The following APPL2 variants were observed in gnomAD, a reference collection of about 807,000 sequenced individuals.
APPL2 encodes the protein DCC-interacting protein 13-beta.
Under a neutral mutation model 92.7 loss-of-function variants are expected in APPL2, and 84 were observed. The ratio of observed to expected loss-of-function variants is 0.91; its 90% CI spans 0.76 to 1.09. The LOEUF is 1.09. APPL2 is among the 50% of genes least tolerant of loss of function. APPL2 has a pLI of 0.00. For synonymous variants in APPL2, 291 were observed against 291.0 expected (o/e 1.00, Z 0.00); for missense variants, 736 against 824.5 (o/e 0.89, Z 1.31).
intron 17 of APPL2, among the ~76,000 whole-genome samples, chr12:105,177,822 T>A (rs979648709): frequency 2.6e-5 from 4 of 152,226 alleles, no homozygotes; most frequent in African/African-American, 9.6e-5. Context: ...GAGAAGAGTC[T>A]TGCTGTCACA....
intron 4 of APPL2, among the ~76,000 whole-genome samples, chr12:105,213,944 T>C (rs1889429086): frequency 6.6e-6 from 1 of 152,176 alleles, no homozygotes; most frequent in African/African-American, 2.4e-5. Flanking sequence ...CTCAGCACTT[T>C]GGGAGGCTGA....
Position 105,190,065 on chromosome 12 carries a change from G to C in APPL2, c.1332C>G (p.Ile444Met). The C allele has an allele frequency of 6.2e-7, 1 of 1,614,166 alleles. No homozygotes were observed. Among genetic ancestry groups the C allele is most frequent in the Non-Finnish European group, 8.5e-7 (1 of 1,180,038 alleles). Residue 444 changes from isoleucine (I) to methionine (M), a missense_variant, in exon 15 of 21, where the codon ATC becomes ATG. Coordinates refer to ENST00000258530, the MANE Select transcript of APPL2 (RefSeq NM_018171.5). ...CGAATTGAATCGGCGTTCCAGGCGC[G>C]ATCAGCTCCTCTGCTTCAGGTAGAC... ...TASLPEAEEL[I>M]APGTPIQFDI...
rs77466534 is a variant in APPL2 at position 105,211,527 on chromosome 12, A to G, written c.286-210T>C. ...ATGCAAGGTTCTAACTGACCAGGGC[A>G]CCAATGAAGCTTGCTAACAGAGTGT... On this transcript the variant is annotated intron_variant, in intron 4 of 20. Coordinates refer to ENST00000258530, the MANE Select transcript of APPL2 (RefSeq NM_018171.5). Among the ~76,000 whole-genome samples, 1,210 of 152,310 alleles carry G rather than the reference A, an allele frequency of 7.9e-3. 21 individuals are homozygous for G. Among genetic ancestry groups the G allele is most frequent in the African/African-American group, 0.027 (1,115 of 41,560 alleles).
At position 105,207,302 on chromosome 12, in the gene APPL2, A is replaced by G. The variant is rs1050137763; in HGVS notation, c.475-95T>C. ...TCAAAATGTGTGTTTATGCATTATA[A>G]CCATTTTTGTGACAAATATAACAAA... On this transcript the variant is annotated intron_variant, in intron 7 of 20. Transcript: ENST00000258530. 3.0e-5 allele frequency: 37 copies of G among 1,250,120 alleles called. No homozygotes were observed. In the African/African-American group the frequency reaches 5.0e-4, roughly 17 times the overall value. 77.4% of individuals were successfully genotyped at this position (1,250,120 alleles called of 1,614,324 possible).
intron 2 of APPL2, among the ~76,000 whole-genome samples, chr12:105,227,641 C>G (rs1890620899): frequency 6.6e-6 from 1 of 152,126 alleles, no homozygotes; most frequent in African/African-American, 2.4e-5. Context: ...TCCTAAATAC[C>G]TCTCAAGTAC....
chr12:105,189,113 G>C (rs185897932), intron 16 of APPL2, among the ~76,000 whole-genome samples: 1 of 152,082 alleles, frequency 6.6e-6, no homozygotes, highest in Non-Finnish European at 1.5e-5. Context: ...CCGCCTCCCA[G>C]GTTCAAGTGA....
intron 2 of APPL2, among the ~76,000 whole-genome samples, chr12:105,227,084 G>A (rs1890566181): frequency 6.6e-6 from 1 of 151,270 alleles, no homozygotes; most frequent in African/African-American, 2.4e-5. Context: ...TCATGCCACT[G>A]TACTCCATCC....
At chr12:105,204,594 G>T (rs988183542) in intron 8 of APPL2, among the ~76,000 whole-genome samples, 3 of 152,180 alleles carry the variant, frequency 2.0e-5, no homozygotes, top group African/African-American at 7.2e-5. Context: ...CACTGGAAAT[G>T]CCATTTGGAA....
intron 2 of APPL2, among the ~76,000 whole-genome samples, chr12:105,220,107 CTGA>C (rs1441141553): frequency 6.6e-6 from 1 of 152,204 alleles, no homozygotes; most frequent in Non-Finnish European, 1.5e-5. Context: ...GGATACACGG[CTGA>C]TGAGTGGCAG....
At chr12:105,199,701 A>C (rs908336378) in intron 9 of APPL2, among the ~76,000 whole-genome samples, 170 bp from the exon 10 acceptor site, 1 of 152,164 alleles carries the variant, frequency 6.6e-6, no homozygotes, top group East Asian at 1.9e-4. Flanking sequence ...AAAACTATGA[A>C]TCACAGGGAC....
In APPL2 at chr12:105,236,057, G is replaced by A; in HGVS notation, c.-45C>T. ...GAGGGCTGGGTTGGAAGGACAGAGG[G>A]CAGGAGACGCGGCGGCCGAGAGCAC... On this transcript the variant is annotated 5_prime_UTR_variant, in exon 1 of 21. Coordinates refer to ENST00000258530, the MANE Select transcript of APPL2 (RefSeq NM_018171.5). 8.2e-7 allele frequency: 1 copy of A among 1,217,896 alleles called. No homozygotes were observed. The highest frequency in any genetic ancestry group is 4.1e-5 in the South Asian group (1 of 24,422). The allele number at this position is 1,217,896 out of a possible 1,614,324, so 75.4% of individuals were successfully genotyped here.
intron 14 of APPL2, among the ~76,000 whole-genome samples, 154 bp from the exon 15 acceptor site, chr12:105,190,309 T>G (rs747722750): frequency 2.2e-4 from 33 of 152,202 alleles, no homozygotes; most frequent in Non-Finnish European, 2.9e-5. Flanking sequence ...TTCTTCAAAC[T>G]TCCTTCATAT....
chr12:105,191,306 G>A (rs1049505129), intron 14 of APPL2, among the ~76,000 whole-genome samples: 3 of 152,178 alleles, frequency 2.0e-5, no homozygotes, highest in African/African-American at 7.2e-5. Context: ...CCTGGTGGGC[G>A]AGCCAGATTA....
intron 11 of APPL2, among the ~76,000 whole-genome samples, chr12:105,197,280 TG>T (rs1344707440): frequency 6.6e-6 from 1 of 152,102 alleles, no homozygotes; most frequent in Non-Finnish European, 1.5e-5. Context: ...ACAGGACATG[TG>T]GGAACAGCCT....
In APPL2 at chr12:105,236,118, T is replaced by A. The variant is rs1891212962; in HGVS notation, c.-106A>T. 3 of 812,970 alleles carry A rather than the reference T, an allele frequency of 3.7e-6. No homozygotes were observed. The highest frequency in any genetic ancestry group is 4.8e-6 in the Non-Finnish European group (3 of 629,174). 50.4% of individuals were successfully genotyped at this position (812,970 alleles called of 1,614,324 possible). On this transcript the variant is annotated 5_prime_UTR_variant, in exon 1 of 21. Coordinates refer to ENST00000258530, the MANE Select transcript of APPL2 (RefSeq NM_018171.5). ...TGGGCTCAGGCGACGCGGCGGCCACTCCGTGCCCGCGGCGGCCCCGCGCGC... is the reference window on the plus strand; with the variant it reads ...TGGGCTCAGGCGACGCGGCGGCCACACCGTGCCCGCGGCGGCCCCGCGCGC...
Position 105,177,020 on chromosome 12 carries a change from G to T in APPL2, c.1672-4C>A, listed in dbSNP as rs1429821874. Reference sequence around the variant, plus strand: ...GTGTGACACTGGTAAGTTCAAACTGGGGGGTGGAAAAAAAGGCAACAGATC... The same window carrying T: ...GTGTGACACTGGTAAGTTCAAACTGTGGGGTGGAAAAAAAGGCAACAGATC... On this transcript the variant is annotated splice_polypyrimidine_tract_variant and splice_region_variant and intron_variant, in intron 18 of 20. Transcript: ENST00000258530. The T allele has an allele frequency of 6.2e-7, 1 of 1,613,218 alleles. No individual in the cohort carries two copies. Among genetic ancestry groups the T allele is most frequent in the Non-Finnish European group, 8.5e-7 (1 of 1,179,768 alleles).
At position 105,174,203 on chromosome 12, in the gene APPL2, C is replaced by T. The variant is rs978548662; in HGVS notation, c.*111G>A. On this transcript the variant is annotated 3_prime_UTR_variant, in exon 21 of 21. Transcript: ENST00000258530. ...AGGCATCAAGATTACATTCCACAAA[C>T]GATTGTCAGCCTTCGGAAATCAGGT... 14 of 1,347,012 alleles carry T rather than the reference C, an allele frequency of 1.0e-5. No homozygotes were observed. Among genetic ancestry groups the T allele is most frequent in the African/African-American group, 5.9e-5 (4 of 67,296 alleles). 83.4% of individuals were successfully genotyped at this position (1,347,012 alleles called of 1,614,324 possible). A position where few individuals can be genotyped will look rare whatever the true frequency, so the allele number is the denominator to read the frequency against.
intron 1 of APPL2, among the ~76,000 whole-genome samples, chr12:105,231,954 A>C (rs1320665252): frequency 6.6e-6 from 1 of 152,246 alleles, no homozygotes; most frequent in African/African-American, 2.4e-5. Context: ...AATGAGACCA[A>C]GAATAAAGCA....
intron 8 of APPL2, among the ~76,000 whole-genome samples, chr12:105,204,501 G>A (rs1440723810): frequency 6.6e-6 from 1 of 152,070 alleles, no homozygotes; most frequent in African/African-American, 2.4e-5. Context: ...GGTTAAAAAC[G>A]GATGATTGTG....
Sources: gnomAD v4.1 joint callset for allele counts (sites outside exome capture counted in the v4.1 genomes callset) on GRCh38, gnomAD v4.1.1 for gene constraint, MANE v1.5 for transcripts, NCBI Gene and HGNC (gene_info 2026-07-23, HGNC 2026-07-21) for gene names.